The following WBP1L variants were observed in gnomAD, a reference collection of about 807,000 sequenced individuals.
WBP1L encodes the protein WW domain binding protein 1 like.
WBP1L carries 17 observed loss-of-function variants against 33.7 expected under a neutral mutation model. The observed-to-expected ratio is 0.50, with a 90% CI of 0.34 to 0.76. The LOEUF is 0.76. WBP1L is among the 30% of genes least tolerant of loss of function. The pLI, the probability that WBP1L is intolerant of heterozygous loss-of-function variation, is 0.01. For synonymous variants in WBP1L, 173 were observed against 190.8 expected (o/e 0.91, Z 0.77); for missense variants, 389 against 469.4 (o/e 0.83, Z 1.58).
intron 2 of WBP1L, among the ~76,000 whole-genome samples, chr10:102,799,455 C>G (rs893459542): frequency 2.0e-5 from 3 of 152,002 alleles, no homozygotes; most frequent in Middle Eastern, 3.2e-3. Context: ...AGGGAGTGAC[C>G]CAAGGTTGCT....
At chr10:102,802,932 T>C (rs1343799583) in intron 2 of WBP1L, among the ~76,000 whole-genome samples, 2 of 152,214 alleles carry the variant, frequency 1.3e-5, no homozygotes, top group Non-Finnish European at 2.9e-5. Flanking sequence ...ACATCAGGCA[T>C]AGTTCTGCGT....
At chr10:102,752,458 T>A (rs76192150) in intron 1 of WBP1L, among the ~76,000 whole-genome samples, 3,167 of 152,306 alleles carry the variant, frequency 0.021, 59 homozygotes, top group Middle Eastern at 0.037. Flanking sequence ...CAGCTCTGTC[T>A]TGTCAGCCAA....
chr10:102,763,428 A>G, intron 1 of WBP1L, among the ~76,000 whole-genome samples: 1 of 152,090 alleles, frequency 6.6e-6, no homozygotes, highest in East Asian at 1.9e-4. Context: ...GCCTCTTATC[A>G]CAGAAATGGC....
intron 1 of WBP1L, among the ~76,000 whole-genome samples, chr10:102,765,551 C>T (rs1423802885): frequency 6.6e-6 from 1 of 152,120 alleles, no homozygotes; most frequent in Non-Finnish European, 1.5e-5. Context: ...TCTCTTTAGT[C>T]ACGTCTTTAT....
chr10:102,758,185 C>CT (rs569223669), intron 1 of WBP1L, among the ~76,000 whole-genome samples: 276 of 146,084 alleles, frequency 1.9e-3, no homozygotes, highest in African/African-American at 4.7e-3. Flanking sequence ...ATGCACAGCC[C>CT]TTTTTTTTTT....
At chr10:102,788,098 A>G (rs530675172) in intron 1 of WBP1L, among the ~76,000 whole-genome samples, 2 of 147,198 alleles carry the variant, frequency 1.4e-5, no homozygotes, top group South Asian at 4.4e-4. Context: ...CAAAACCAAT[A>G]CTATCAGGGA....
intron 1 of WBP1L, among the ~76,000 whole-genome samples, chr10:102,756,733 C>T (rs150020639): frequency 3.2e-4 from 49 of 152,110 alleles, no homozygotes; most frequent in East Asian, 1.9e-4. Flanking sequence ...GATAGTGCCA[C>T]GTTGTTCTCC....
At chr10:102,800,398 C>CA (rs11395106) in intron 2 of WBP1L, among the ~76,000 whole-genome samples, 78,823 of 151,922 alleles carry the variant, frequency 0.52, 21,465 homozygotes, top group Middle Eastern at 0.63. Context: ...AAAGCCAGGG[C>CA]AGGGGGGTGG....
chr10:102,780,903 T>G (rs1412223142), intron 1 of WBP1L, among the ~76,000 whole-genome samples: 1 of 152,210 alleles, frequency 6.6e-6, no homozygotes. Flanking sequence ...TCTTGCACCT[T>G]GGAATATTGC....
At chr10:102,748,463 C>T (rs1018626037) in intron 1 of WBP1L, among the ~76,000 whole-genome samples, 2 of 152,172 alleles carry the variant, frequency 1.3e-5, no homozygotes, top group Non-Finnish European at 2.9e-5. Flanking sequence ...ACCATCATTC[C>T]TCCTTATACA....
chr10:102,743,999 G>A lies in WBP1L; in HGVS notation c.-55G>A. On this transcript the variant is annotated 5_prime_UTR_variant, in exon 1 of 4. Coordinates refer to ENST00000448841, the MANE Select transcript of WBP1L (RefSeq NM_001083913.2). ...GAAGAAGAGGGTAGAGGAGGAGAGG[G>A]AGGAGGAGGAGGGAGGTGGCGGCGC... 3.3e-6 allele frequency: 4 copies of A among 1,230,310 alleles called. No individual in the cohort carries two copies. The South Asian group carries it at 5.3e-5, about 16-fold the overall frequency. The allele number at this position is 1,230,310 out of a possible 1,614,324, so 76.2% of individuals were successfully genotyped here.
rs1412644130 is a variant in WBP1L at position 102,809,884 on chromosome 10, A to G, written c.194-9A>G. ...TGTGCCTCTCTGTCTTGCCTTGCCC[A>G]CCCCCCAGGGTTCTGGCTGGTGTGG... is the stretch of plus-strand genomic sequence containing the variant. On this transcript the variant is annotated splice_polypyrimidine_tract_variant and intron_variant, in intron 2 of 3. Transcript: ENST00000448841. The G allele has an allele frequency of 1.2e-6, 2 of 1,603,418 alleles. No homozygotes were observed. Among genetic ancestry groups the G allele is most frequent in the South Asian group, 2.2e-5 (2 of 90,002 alleles).
At chr10:102,744,980 G>T (rs1359434367) in intron 1 of WBP1L, among the ~76,000 whole-genome samples, 1 of 152,180 alleles carries the variant, frequency 6.6e-6, no homozygotes, top group Non-Finnish European at 1.5e-5. Flanking sequence ...AACCCTAATG[G>T]GAGCGTTACT....
intron 1 of WBP1L, among the ~76,000 whole-genome samples, chr10:102,786,098 G>A (rs1350769468): frequency 6.6e-6 from 1 of 152,124 alleles, no homozygotes; most frequent in Non-Finnish European, 1.5e-5. Context: ...TTTTTTGCTG[G>A]CTGCTCTGTT....
intron 1 of WBP1L, among the ~76,000 whole-genome samples, chr10:102,754,408 T>C (rs1842950807): frequency 6.6e-6 from 1 of 151,982 alleles, no homozygotes; most frequent in Non-Finnish European, 1.5e-5. Flanking sequence ...ACCTTTCACC[T>C]TTTTTTTGGA....
intron 1 of WBP1L, among the ~76,000 whole-genome samples, chr10:102,765,338 T>C (rs1333542199): frequency 6.6e-6 from 1 of 152,172 alleles, no homozygotes; most frequent in Admixed American, 6.6e-5. Context: ...ACTCAGTTGA[T>C]CCTCCTACCT....
At position 102,809,390 on chromosome 10, in the gene WBP1L, G is replaced by A. The variant is rs9665001; in HGVS notation, c.194-503G>A. On this transcript the variant is annotated intron_variant, in intron 2 of 3. Coordinates refer to ENST00000448841, the MANE Select transcript of WBP1L (RefSeq NM_001083913.2). ...ACTGCACCCAGCCATTCTTTTTTTTGAGACAGAGTCTTGCTCTGTCGCCCA... is the reference window on the plus strand; with the variant it reads ...ACTGCACCCAGCCATTCTTTTTTTTAAGACAGAGTCTTGCTCTGTCGCCCA... Among the ~76,000 whole-genome samples, 1,198 of 142,362 alleles carry A rather than the reference G, an allele frequency of 8.4e-3. 12 individuals carry two copies. The highest frequency in any genetic ancestry group is 0.03 in the African/African-American group (1,149 of 38,168). 93.4% of individuals were successfully genotyped at this position (142,362 alleles called of 152,430 possible). A position where few individuals can be genotyped will look rare whatever the true frequency, so the allele number is the denominator to read the frequency against.
chr10:102,778,824 T>C (rs2486756), intron 1 of WBP1L, among the ~76,000 whole-genome samples: 79,162 of 152,044 alleles, frequency 0.52, 21,971 homozygotes, highest in Non-Finnish European at 0.62. Flanking sequence ...ATCTTTATCG[T>C]ACATATGTAT....
chr10:102,756,889 C>T (rs561335154), intron 1 of WBP1L, among the ~76,000 whole-genome samples: 40 of 151,652 alleles, frequency 2.6e-4, no homozygotes, highest in African/African-American at 6.3e-4. Flanking sequence ...GGCAACAGAG[C>T]GAGTCTCTGT....
Sources: gnomAD v4.1 joint callset for allele counts (sites outside exome capture counted in the v4.1 genomes callset) on GRCh38, gnomAD v4.1.1 for gene constraint, MANE v1.5 for transcripts, NCBI Gene and HGNC (gene_info 2026-07-23, HGNC 2026-07-21) for gene names.